Variants in KCNN2 observed in about 807,000 individuals in gnomAD.
KCNN2 encodes the protein potassium calcium-activated channel subfamily N member 2.
A neutral mutation model predicts 55.5 loss-of-function variants in KCNN2; 24 were observed. The ratio of observed to expected loss-of-function variants is 0.43; its 90% CI spans 0.31 to 0.61. The LOEUF is 0.61. Among genes scored for constraint, KCNN2 ranks in the 20% least tolerant of loss-of-function variants. The pLI, the probability that KCNN2 is intolerant of heterozygous loss-of-function variation, is 0.08. For missense variants in KCNN2, 754 were observed against 853.6 expected (o/e 0.88, Z 1.45); for synonymous variants, 431 against 336.1 (o/e 1.28, Z -3.09).
At position 114,063,789 on chromosome 5, in the gene KCNN2, A is replaced by G. The variant is rs76807248; in HGVS notation, c.-271+7289A>G. 9.1e-3 allele frequency among the ~76,000 whole-genome samples: 1,390 copies of G among 152,286 alleles called. 30 individuals carry two copies. Among genetic ancestry groups the G allele is most frequent in the African/African-American group, 0.032 (1,325 of 41,554 alleles). On this transcript the variant is annotated intron_variant, in intron 1 of 10. Transcript: ENST00000512097. The stretch of plus-strand genomic sequence containing the variant: ...AACCACTCAGTCCCAGACAAACTGG[A>G]AAGTTGGTCACCCTAAAAGGCATAC...
intron 2 of KCNN2, among the ~76,000 whole-genome samples, chr5:114,254,142 C>T (rs1439087840): frequency 6.6e-6 from 1 of 151,860 alleles, no homozygotes; most frequent in African/African-American, 2.4e-5. Context: ...AAGAAATAAC[C>T]CTTTGAAATA....
chr5:114,216,450 G>A (rs141867260), intron 1 of KCNN2, among the ~76,000 whole-genome samples: 7 of 152,106 alleles, frequency 4.6e-5, no homozygotes, highest in Non-Finnish European at 8.8e-5. Context: ...AATATTATGA[G>A]GCATCTCACA....
chr5:114,394,126 AT>A (rs1215574016), intron 2 of KCNN2, among the ~76,000 whole-genome samples: 1 of 152,210 alleles, frequency 6.6e-6, no homozygotes, highest in Non-Finnish European at 1.5e-5. Context: ...TGCCTGAGAT[AT>A]GCGTGAGTAC....
chr5:114,298,856 G>C (rs1386387694), intron 2 of KCNN2, among the ~76,000 whole-genome samples: 4 of 152,064 alleles, frequency 2.6e-5, no homozygotes, highest in East Asian at 1.9e-4. Flanking sequence ...CTTCACTTCA[G>C]ATATAGTGTT....
At chr5:114,191,816 A>G (rs1753456239) in intron 1 of KCNN2, among the ~76,000 whole-genome samples, 1 of 152,160 alleles carries the variant, frequency 6.6e-6, no homozygotes, top group Non-Finnish European at 1.5e-5. Context: ...ATTTCCCTGG[A>G]AAAGCTATCT....
intron 1 of KCNN2, among the ~76,000 whole-genome samples, chr5:114,083,926 G>A (rs1396967551): frequency 3.9e-5 from 6 of 151,954 alleles, no homozygotes; most frequent in South Asian, 2.1e-4. Context: ...TGTTGGAATC[G>A]TAGTATGTGG....
intron 6 of KCNN2, among the ~76,000 whole-genome samples, chr5:114,488,647 G>A (rs1245572337): frequency 6.6e-6 from 1 of 152,088 alleles, no homozygotes; most frequent in Non-Finnish European, 1.5e-5. Context: ...GAGATGCTGA[G>A]CTTTCGCCTC....
chr5:114,082,188 G>C (rs551178169), intron 1 of KCNN2, among the ~76,000 whole-genome samples: 3 of 151,952 alleles, frequency 2.0e-5, no homozygotes, highest in Non-Finnish European at 2.9e-5. Flanking sequence ...GGCCGGGCAT[G>C]GTGGCATGTA....
intron 2 of KCNN2, among the ~76,000 whole-genome samples, chr5:114,262,645 C>T (rs1409191243): frequency 6.6e-6 from 1 of 152,216 alleles, no homozygotes; most frequent in African/African-American, 2.4e-5. Context: ...TTAAATTCTT[C>T]ATGGCATGAG....
In KCNN2 at chr5:114,388,003, G is replaced by A. The variant is rs540857310; in HGVS notation, c.1219-16435G>A. ...TTCAGAAACTCATGCATATCCTTCC[G>A]TTCCATGCTCTTATGTGTTCACTAA... On this transcript the variant is annotated intron_variant, in intron 2 of 7. Transcript: ENST00000673685. Among the ~76,000 whole-genome samples the A allele has an allele frequency of 3.9e-5, 6 of 152,150 alleles. No homozygotes were observed. In the East Asian group the frequency reaches 7.7e-4, roughly 20 times the overall value.
intron 1 of KCNN2, among the ~76,000 whole-genome samples, chr5:114,180,925 A>C (rs1384736992): frequency 6.6e-6 from 1 of 152,216 alleles, no homozygotes; most frequent in East Asian, 1.9e-4. Context: ...ATTCAGCATA[A>C]TGTTTTTAAG....
intron 1 of KCNN2, among the ~76,000 whole-genome samples, chr5:114,166,809 GAT>G (rs936996062): frequency 6.6e-6 from 1 of 152,066 alleles, no homozygotes; most frequent in Non-Finnish European, 1.5e-5. Flanking sequence ...GAGGTGATTA[GAT>G]CATGAAGGTG....
intron 5 of KCNN2, among the ~76,000 whole-genome samples, chr5:114,482,632 C>T (rs1246068447): frequency 6.6e-6 from 1 of 152,104 alleles, no homozygotes. Flanking sequence ...AACCTAAATG[C>T]CCATCAGTAA....
At chr5:114,453,141 G>T (rs773991404) in intron 3 of KCNN2, among the ~76,000 whole-genome samples, 1 of 152,126 alleles carries the variant, frequency 6.6e-6, no homozygotes, top group Admixed American at 6.5e-5. Flanking sequence ...GAAAAAAGTC[G>T]TAGGTGTACC....
chr5:114,471,679 C>G (rs746087251), intron 4 of KCNN2, among the ~76,000 whole-genome samples: 1 of 152,234 alleles, frequency 6.6e-6, no homozygotes, highest in Non-Finnish European at 1.5e-5. Context: ...ACTTGGCAAC[C>G]TCTTTCTCTG....
chr5:114,295,417 C>A (rs552741917), intron 2 of KCNN2, among the ~76,000 whole-genome samples: 2 of 152,180 alleles, frequency 1.3e-5, no homozygotes, highest in Non-Finnish European at 2.9e-5. Context: ...GCACCCCTCC[C>A]CCAGCCTCGC....
chr5:114,254,762 A>G (rs1271354638), intron 2 of KCNN2, among the ~76,000 whole-genome samples: 1 of 152,152 alleles, frequency 6.6e-6, no homozygotes, highest in Non-Finnish European at 1.5e-5. Context: ...GCTTATTCTT[A>G]TATTCCTTAA....
intron 2 of KCNN2, among the ~76,000 whole-genome samples, chr5:114,336,816 C>T (rs1245659520): frequency 1.3e-5 from 2 of 152,084 alleles, no homozygotes; most frequent in Non-Finnish European, 2.9e-5. Context: ...TCCAGTGATT[C>T]TGCTACTAGA....
chr5:114,240,632 T>C (rs1305962375), intron 2 of KCNN2, among the ~76,000 whole-genome samples: 1 of 152,088 alleles, frequency 6.6e-6, no homozygotes, highest in Non-Finnish European at 1.5e-5. Context: ...GGTTTCGCCA[T>C]GTTGCCCAGG....
Sources: gnomAD v4.1 joint callset for allele counts (sites outside exome capture counted in the v4.1 genomes callset) on GRCh38, gnomAD v4.1.1 for gene constraint, MANE v1.5 for transcripts, NCBI Gene and HGNC (gene_info 2026-07-23, HGNC 2026-07-21) for gene names.